Variants in EXOC6B observed in about 807,000 individuals in gnomAD.
EXOC6B encodes the protein exocyst complex component 6B.
In EXOC6B, 54 loss-of-function variants were observed where a neutral mutation model predicts 113.5. The ratio of observed to expected loss-of-function variants is 0.48; its 90% CI spans 0.38 to 0.60. The LOEUF (loss-of-function observed/expected upper bound fraction) is 0.60, where lower values mean the gene tolerates loss of function less well. Among genes scored for constraint, EXOC6B ranks in the 20% least tolerant of loss-of-function variants. EXOC6B has a pLI of 0.00. For synonymous variants in EXOC6B, 357 were observed against 339.0 expected, an observed-to-expected ratio of 1.05 and a Z score of -0.58; for missense variants, 797 against 977.5, an observed-to-expected ratio of 0.82 and a Z score of 2.46.
intron 18 of EXOC6B, among the ~76,000 whole-genome samples, chr2:72,442,916 AG>A (rs1185715706): frequency 1.3e-5 from 2 of 152,216 alleles, no homozygotes; most frequent in Admixed American, 1.3e-4. Flanking sequence ...ACCAAAAAAG[AG>A]CCTGAATAGC....
chr2:72,550,874 G>C (rs1025182226), intron 8 of EXOC6B, among the ~76,000 whole-genome samples: 2 of 151,042 alleles, frequency 1.3e-5, no homozygotes, highest in African/African-American at 4.9e-5. Flanking sequence ...ATTAGCATCA[G>C]AGATACATAA....
In EXOC6B at chr2:72,298,099, C is replaced by T. The variant is rs141452607; in HGVS notation, c.2196+36848G>A. Among the ~76,000 whole-genome samples, 572 of 152,210 alleles carry T rather than the reference C, an allele frequency of 3.8e-3. 2 individuals carry two copies. Among genetic ancestry groups the T allele is most frequent in the African/African-American group, 0.013 (555 of 41,546 alleles). On this transcript the variant is annotated intron_variant, in intron 20 of 21. Coordinates refer to ENST00000272427, the MANE Select transcript of EXOC6B (RefSeq NM_015189.3). ...TACTGACAGTGGGGTGTTAAAGTCT[C>T]CCACTATTATTGTGTGGGAGTCTAA...
At chr2:72,190,056 G>T (rs141508391) in intron 20 of EXOC6B, among the ~76,000 whole-genome samples, 153 of 144,304 alleles carry the variant, frequency 1.1e-3, no homozygotes, top group African/African-American at 3.2e-3. Context: ...TAAGAGACCA[G>T]TTCTTGCTCT....
At chr2:72,297,004 G>C (rs892957487) in intron 20 of EXOC6B, among the ~76,000 whole-genome samples, 1 of 152,108 alleles carries the variant, frequency 6.6e-6, no homozygotes, top group Admixed American at 6.5e-5. Context: ...AGTAATATGT[G>C]AACATATTCT....
At position 72,512,379 on chromosome 2, in the gene EXOC6B, G is replaced by A. The variant is rs377424577; in HGVS notation, c.1167+753C>T. Among the ~76,000 whole-genome samples, 279 of 55,454 alleles carry A rather than the reference G, an allele frequency of 5.0e-3. 4 individuals are homozygous for A. Among genetic ancestry groups the A allele is most frequent in the African/African-American group, 7.4e-3 (98 of 13,272 alleles). 36.4% of individuals were successfully genotyped at this position (55,454 alleles called of 152,430 possible). A position where few individuals can be genotyped will look rare whatever the true frequency, so the allele number is the denominator to read the frequency against. ...AGGAAGGAAGGAAAGAAGGAAGGAA[G>A]GAAGGAAGGAAGGAAGGAAGGAAGG... is the stretch of plus-strand genomic sequence containing the variant. On this transcript the variant is annotated intron_variant, in intron 11 of 21. Transcript: ENST00000272427.
chr2:72,433,434 T>G (rs1323411742), intron 18 of EXOC6B, among the ~76,000 whole-genome samples: 1 of 152,220 alleles, frequency 6.6e-6, no homozygotes, highest in Admixed American at 6.5e-5. Context: ...TTTTTCTAAT[T>G]CTTTGAAGAA....
intron 18 of EXOC6B, among the ~76,000 whole-genome samples, chr2:72,399,466 T>G (rs377214642): frequency 6.6e-6 from 1 of 152,164 alleles, no homozygotes; most frequent in Non-Finnish European, 1.5e-5. Flanking sequence ...GAAGTCAAAC[T>G]ATCTCACTAA....
intron 1 of EXOC6B, among the ~76,000 whole-genome samples, chr2:72,813,087 T>A (rs1392911597): frequency 1.3e-5 from 2 of 152,196 alleles, no homozygotes; most frequent in Non-Finnish European, 2.9e-5. Flanking sequence ...AAAGTTTAAT[T>A]GTACTTACTT....
intron 1 of EXOC6B, among the ~76,000 whole-genome samples, chr2:72,752,891 C>T (rs543677832): frequency 2.0e-5 from 3 of 152,148 alleles, no homozygotes; most frequent in African/African-American, 4.8e-5. Context: ...TTGGTTCTCC[C>T]CATTCTCAGT....
intron 20 of EXOC6B, among the ~76,000 whole-genome samples, chr2:72,213,867 C>T (rs1015588204): frequency 2.0e-5 from 3 of 152,060 alleles, no homozygotes; most frequent in Non-Finnish European, 4.4e-5. Context: ...CTGCCTTGAT[C>T]CTGGACTTCT....
At chr2:72,513,384 T>C (rs1472483447) in intron 10 of EXOC6B, 132 bp from the exon 11 acceptor site, 5 of 1,138,362 alleles carry the variant, frequency 4.4e-6, no homozygotes, top group Non-Finnish European at 6.2e-6. Flanking sequence ...AAGAAACTTA[T>C]TCAGTAGAAT....
intron 20 of EXOC6B, among the ~76,000 whole-genome samples, chr2:72,229,220 G>A (rs1384730884): frequency 1.3e-5 from 2 of 152,060 alleles, no homozygotes; most frequent in Non-Finnish European, 2.9e-5. Flanking sequence ...AGAGAAAAAT[G>A]GTAAAGCAGG....
intron 8 of EXOC6B, among the ~76,000 whole-genome samples, chr2:72,548,574 G>C (rs1703032360): frequency 6.6e-6 from 1 of 152,088 alleles, no homozygotes; most frequent in African/African-American, 2.4e-5. Flanking sequence ...ATAGGTCCCA[G>C]CCCTGATATT....
chr2:72,243,803 A>G (rs1682479733), intron 20 of EXOC6B, among the ~76,000 whole-genome samples: 1 of 152,222 alleles, frequency 6.6e-6, no homozygotes, highest in South Asian at 2.1e-4. Context: ...TATCAGGGAT[A>G]AAGAGGAACA....
intron 16 of EXOC6B, among the ~76,000 whole-genome samples, chr2:72,488,809 C>T (rs1573238198): frequency 6.6e-6 from 1 of 152,152 alleles, no homozygotes; most frequent in Admixed American, 6.5e-5. Flanking sequence ...ATTCTCACTA[C>T]CATGGTCAAT....
At chr2:72,715,227 A>G (rs928909041) in intron 6 of EXOC6B, among the ~76,000 whole-genome samples, 3 of 152,100 alleles carry the variant, frequency 2.0e-5, no homozygotes, top group Admixed American at 1.3e-4. Context: ...CTCCGTCTAA[A>G]AAAATTAAAA....
At chr2:72,407,322 T>A (rs879408463) in intron 18 of EXOC6B, among the ~76,000 whole-genome samples, 2 of 152,134 alleles carry the variant, frequency 1.3e-5, no homozygotes, top group East Asian at 3.9e-4. Flanking sequence ...CTGAAACTAT[T>A]CCAATCAACA....
chr2:72,809,869 C>T (rs1004868149), intron 1 of EXOC6B, among the ~76,000 whole-genome samples: 2 of 152,074 alleles, frequency 1.3e-5, no homozygotes, highest in Non-Finnish European at 2.9e-5. Flanking sequence ...AATCATAAAT[C>T]AACAGATAAC....
At chr2:72,657,567 CTTTTTT>C (rs70963136) in intron 6 of EXOC6B, among the ~76,000 whole-genome samples, 6 of 50,378 alleles carry the variant, frequency 1.2e-4, no homozygotes, top group Admixed American at 7.3e-4. Flanking sequence ...CTTTCCTTTT[CTTTTTT>C]TTTTTTTTTT....
Sources: gnomAD v4.1 joint callset for allele counts (sites outside exome capture counted in the v4.1 genomes callset) on GRCh38, gnomAD v4.1.1 for gene constraint, MANE v1.5 for transcripts, NCBI Gene and HGNC (gene_info 2026-07-23, HGNC 2026-07-21) for gene names.